CDH19: variants seen among roughly 807,000 people sequenced by gnomAD.
CDH19 encodes the protein cadherin 19.
In CDH19, 67 loss-of-function variants were observed where a neutral mutation model predicts 64.2. The observed-to-expected ratio is 1.04, with a 90% confidence interval of 0.86 to 1.28. The LOEUF is 1.28. Ranked by LOEUF, CDH19 falls within the 50% of genes most tolerant of loss-of-function variation. CDH19 has a pLI of 0.00. For synonymous variants in CDH19, 346 were observed against 319.3 expected (o/e 1.08, Z -0.89); for missense variants, 1,030 against 929.0 (o/e 1.11, Z -1.41).
intron 9 of CDH19, among the ~76,000 whole-genome samples, chr18:66,514,272 A>T (rs185775631): frequency 6.6e-6 from 1 of 151,666 alleles, no homozygotes; most frequent in African/African-American, 2.4e-5. Context: ...AGATTTACAT[A>T]CAAAATGATA....
At chr18:66,581,412 T>C (rs1412650630) in intron 1 of CDH19, among the ~76,000 whole-genome samples, 1 of 152,122 alleles carries the variant, frequency 6.6e-6, no homozygotes, top group Admixed American at 6.6e-5. Flanking sequence ...GCTGGTTAAG[T>C]ATTTTTTCTT....
rs1985046841 is a variant in CDH19, at chr18:66,503,735, C to A, written c.*1077G>T. The A allele has an allele frequency of 6.6e-6, 1 of 151,632 alleles. No individual in the cohort carries two copies. Among genetic ancestry groups the A allele is most frequent in the Non-Finnish European group, 1.5e-5 (1 of 67,836 alleles). The allele number at this position is 151,632 out of a possible 1,614,324, so 9.4% of individuals were successfully genotyped here. A position where few individuals can be genotyped will look rare whatever the true frequency, so the allele number is the denominator to read the frequency against. On this transcript the variant is annotated 3_prime_UTR_variant, in exon 12 of 12. Transcript: ENST00000262150. ...CAAAGTTGTAATATCAAAAATAATA[C>A]AAATTTATACTATATAACTCTGATT...
At chr18:66,602,081 A>T (rs865784446) in intron 1 of CDH19, among the ~76,000 whole-genome samples, 110 of 151,968 alleles carry the variant, frequency 7.2e-4, no homozygotes, top group African/African-American at 2.4e-3. Context: ...GTGACAACAA[A>T]TTTTTCTTAT....
Position 66,568,398 on chromosome 18 carries a change from TAA to T in CDH19, c.490+16_490+17del, listed in dbSNP as rs751625721. 6.3e-7 allele frequency: 1 copy of T among 1,575,246 alleles called. No individual in the cohort carries two copies. Among genetic ancestry groups the T allele is most frequent in the Admixed American group, 1.8e-5 (1 of 56,604 alleles). ...CTTCATTGTTAATATATCTTTGATG[TAA>T]ATTAATATGCAATACCTTCTGGAGA... is the stretch of plus-strand genomic sequence containing the variant. On this transcript the variant is annotated intron_variant, in intron 3 of 11. Coordinates refer to ENST00000262150, the MANE Select transcript of CDH19 (RefSeq NM_021153.4).
chr18:66,572,193 A>G lies in CDH19; in HGVS notation c.12T>C (p.Tyr4=). The change falls in exon 2 of 12, where the codon TAT becomes TAC. Residue 4 remains tyrosine (Y), a synonymous_variant. Transcript: ENST00000262150. The part of the protein sequence containing the change: MNC[Y]LLLRFMLGIP... The stretch of plus-strand genomic sequence containing the variant: ...TTCCCAACATAAAACGCAGCAGTAA[A>G]TAACAGTTCATTGCGTTGACTCTTT... 1.2e-6 allele frequency: 2 copies of G among 1,610,166 alleles called. No homozygotes were observed. Among genetic ancestry groups the G allele is most frequent in the Non-Finnish European group, 8.5e-7 (1 of 1,177,434 alleles).
chr18:66,557,019 A>G (rs545863411), intron 3 of CDH19, among the ~76,000 whole-genome samples: 252 of 152,072 alleles, frequency 1.7e-3, no homozygotes, highest in Non-Finnish European at 2.5e-3. Context: ...TCCTAAAGAA[A>G]TTAACTATAA....
intron 1 of CDH19, among the ~76,000 whole-genome samples, chr18:66,591,576 T>C (rs1044582836): frequency 8.6e-5 from 13 of 151,920 alleles, no homozygotes; most frequent in African/African-American, 3.1e-4. Flanking sequence ...TAAATACTTA[T>C]AAAAACTAAG....
chr18:66,588,384 A>G (rs2144620048), intron 1 of CDH19, among the ~76,000 whole-genome samples: 1 of 152,176 alleles, frequency 6.6e-6, no homozygotes, highest in East Asian at 1.9e-4. Context: ...TGATCATCAT[A>G]CAAATGCAGG....
At chr18:66,547,331 T>C (rs968271605) in intron 5 of CDH19, among the ~76,000 whole-genome samples, 1 of 152,060 alleles carries the variant, frequency 6.6e-6, no homozygotes, top group African/African-American at 2.4e-5. Flanking sequence ...CGTGTGTGTG[T>C]ATGTGTGTGT....
rs1988643419 is a variant in CDH19, at chr18:66,588,589, A to T, written c.-113+15365T>A. ...CCAAAATTGGGTAAATAATGATCTTACTCATTTTTACTAATCATATATATC... is the reference window on the plus strand; with the variant it reads ...CCAAAATTGGGTAAATAATGATCTTTCTCATTTTTACTAATCATATATATC... On this transcript the variant is annotated intron_variant, in intron 1 of 11. Transcript: ENST00000262150. Among the ~76,000 whole-genome samples the T allele has an allele frequency of 1.5e-5, 2 of 134,866 alleles. 1 individual carries two copies. The highest frequency in any genetic ancestry group is 4.8e-4 in the South Asian group (2 of 4,128). 88.5% of individuals were successfully genotyped at this position (134,866 alleles called of 152,430 possible). A position where few individuals can be genotyped will look rare whatever the true frequency, so the allele number is the denominator to read the frequency against.
Position 66,503,616 on chromosome 18 carries a change from A to G in CDH19, c.*1196T>C, listed in dbSNP as rs528722761. ...TAATTATGAGTAAATATTGACTTGT[A>G]TTTTGCTATTGTATTTTGACATAAG... On this transcript the variant is annotated 3_prime_UTR_variant, in exon 12 of 12. Coordinates refer to ENST00000262150, the MANE Select transcript of CDH19 (RefSeq NM_021153.4). The G allele has an allele frequency of 6.6e-6, 1 of 151,912 alleles. No homozygotes were observed. The highest frequency in any genetic ancestry group is 2.1e-4 in the South Asian group (1 of 4,830). 9.4% of individuals were successfully genotyped at this position (151,912 alleles called of 1,614,324 possible).
At chr18:66,524,037 A>G (rs1301982490) in intron 9 of CDH19, among the ~76,000 whole-genome samples, 1 of 152,154 alleles carries the variant, frequency 6.6e-6, no homozygotes, top group Admixed American at 6.5e-5. Flanking sequence ...ATATTGCTGT[A>G]CCAGAAACCA....
At chr18:66,512,939 T>C (rs74658060) in intron 9 of CDH19, among the ~76,000 whole-genome samples, 2,635 of 151,368 alleles carry the variant, frequency 0.017, 70 homozygotes, top group African/African-American at 0.058. Flanking sequence ...TGTCAGAGGG[T>C]TTGTCACACG....
At chr18:66,597,081 C>CAAAAAAAA (rs35253366) in intron 1 of CDH19, among the ~76,000 whole-genome samples, 9 of 26,324 alleles carry the variant, frequency 3.4e-4, no homozygotes, top group Non-Finnish European at 2.9e-4. Flanking sequence ...GACTCCATCT[C>CAAAAAAAA]AAAAAAAAAA....
chr18:66,535,006 C>A lies in CDH19; in HGVS notation c.1316G>T (p.Ser439Ile). ...CTTACATTTTTCTGTGGCTGTAATA[C>A]TTAGGTTGTACCAAGCACTGATTTC... ...DREISAWYNLSITATEKYNIE... is the reference protein window; with the variant it reads ...DREISAWYNLIITATEKYNIE... Residue 439 changes from serine (S) to isoleucine (I), a missense_variant, in exon 8 of 12, where the codon AGT (serine) becomes ATT (isoleucine). Coordinates refer to ENST00000262150, the MANE Select transcript of CDH19 (RefSeq NM_021153.4). The A allele has an allele frequency of 6.8e-7, 1 of 1,477,216 alleles. No individual in the cohort carries two copies. Among genetic ancestry groups the A allele is most frequent in the East Asian group, 2.5e-5 (1 of 40,710 alleles). 91.5% of individuals were successfully genotyped at this position (1,477,216 alleles called of 1,614,324 possible).
At chr18:66,539,358 A>G (rs1380147609) in intron 7 of CDH19, among the ~76,000 whole-genome samples, 1 of 152,136 alleles carries the variant, frequency 6.6e-6, no homozygotes, top group East Asian at 1.9e-4. Flanking sequence ...AATCTTAGGA[A>G]AAAAGCACAT....
At chr18:66,545,696 C>T (rs1987087913) in intron 5 of CDH19, among the ~76,000 whole-genome samples, 1 of 152,022 alleles carries the variant, frequency 6.6e-6, no homozygotes, top group Non-Finnish European at 1.5e-5. Flanking sequence ...AATAAATATA[C>T]ATGTGGAATA....
At chr18:66,545,233 C>T (rs1987064670) in intron 5 of CDH19, among the ~76,000 whole-genome samples, 1 of 152,070 alleles carries the variant, frequency 6.6e-6, no homozygotes, top group South Asian at 2.1e-4. Flanking sequence ...CTGCCTCGGC[C>T]TCCCAAAGTG....
At position 66,503,671 on chromosome 18, in the gene CDH19, AT is replaced by A. The variant is rs1205522199; in HGVS notation, c.*1140del. 1.3e-5 allele frequency: 2 copies of A among 151,936 alleles called. No homozygotes were observed. Among genetic ancestry groups the A allele is most frequent in the African/African-American group, 4.8e-5 (2 of 41,460 alleles). The allele number at this position is 151,936 out of a possible 1,614,324, so 9.4% of individuals were successfully genotyped here. ...TGTTTTGAGTTGCATATGAAAAAAA[AT>A]CTATGACAAACACCTAAATATATTT... On this transcript the variant is annotated 3_prime_UTR_variant, in exon 12 of 12. Transcript: ENST00000262150.
Sources: allele counts gnomAD v4.1 joint callset (sites outside exome capture counted in the v4.1 genomes callset), GRCh38; gene constraint gnomAD v4.1.1; transcripts MANE v1.5; gene names NCBI Gene and HGNC (gene_info 2026-07-23, HGNC 2026-07-21).